MIP: variants seen among roughly 807,000 people sequenced by gnomAD.
MIP encodes the protein major intrinsic protein of lens fiber.
Under a neutral mutation model 21.8 loss-of-function variants are expected in MIP, and 14 were observed. The ratio of observed to expected loss-of-function variants is 0.64; its 90% CI spans 0.42 to 1.00. The LOEUF (loss-of-function observed/expected upper bound fraction) is 1.00, where lower values mean the gene tolerates loss of function less well. Among genes scored for constraint, MIP ranks in the 50% least tolerant of loss-of-function variants. The probability of loss-of-function intolerance (pLI) is 0.00; values close to 1 mark genes in which losing one functional copy is unlikely to be tolerated. For missense variants in MIP, 260 were observed against 333.5 expected, an observed-to-expected ratio of 0.78 and a Z score of 1.72; for synonymous variants, 133 against 141.4, an observed-to-expected ratio of 0.94 and a Z score of 0.42.
chr12:56,453,657 C>A lies in MIP; in HGVS notation c.459G>T (p.Arg153=). The A allele has an allele frequency of 6.2e-7, 1 of 1,614,254 alleles. No individual in the cohort carries two copies. Among genetic ancestry groups the A allele is most frequent in the East Asian group, 2.2e-5 (1 of 44,888 alleles). The change falls in exon 2 of 4, where the codon CGG becomes CGT. Residue 153 remains arginine, a synonymous_variant. Coordinates refer to ENST00000652304, the MANE Select transcript of MIP (RefSeq NM_012064.4). ...LCIFATYDER[R]NGQLGSVALA... ...GGGCCACGGAGCCCAGTTGGCCATTCCGCCTCTCGTCGTATGTGGCAAAGA... is the reference window on the plus strand; with the variant it reads ...GGGCCACGGAGCCCAGTTGGCCATTACGCCTCTCGTCGTATGTGGCAAAGA...
At chr12:56,456,033 G>T (rs561986653), upstream of MIP, among the ~76,000 whole-genome samples, 2 of 152,316 alleles carry the variant, frequency 1.3e-5, no homozygotes, top group South Asian at 4.1e-4. Flanking sequence ...GAACAGGTCA[G>T]AGAGCACCCA....
Position 56,454,441 on chromosome 12 carries a change from G to T in MIP, c.173C>A (p.Ser58Tyr), listed in dbSNP as rs1302955432. The T allele has an allele frequency of 1.2e-6, 2 of 1,614,154 alleles. No individual in the cohort carries two copies. The highest frequency in any genetic ancestry group is 2.2e-5 in the South Asian group (2 of 91,078). Reference protein sequence around the residue: ...FGLALATLVQSVGHISGAHVN... With the variant: ...FGLALATLVQYVGHISGAHVN... ...GTGGGCTCCACTGATGTGGCCCACA[G>T]ACTGCACCAGTGTAGCCAGGGCCAA... Residue 58 changes from serine (S) to tyrosine (Y), a missense_variant, in exon 1 of 4, where the codon TCT (serine) becomes TAT (tyrosine). Physicochemically the swap from Ser to Tyr is moderately radical, Grantham distance 144. Coordinates refer to ENST00000652304, the MANE Select transcript of MIP (RefSeq NM_012064.4).
In MIP at chr12:56,450,816, T is replaced by A. The variant is rs1209081631; in HGVS notation, c.*464A>T. Reference sequence around the variant, plus strand: ...TCTCCTCCACTTCTCTCCATCTGCCTCGTGTGAGGAGTAACTCCCTGCTTC... The same window carrying A: ...TCTCCTCCACTTCTCTCCATCTGCCACGTGTGAGGAGTAACTCCCTGCTTC... On this transcript the variant is annotated 3_prime_UTR_variant, in exon 4 of 4. Transcript: ENST00000652304. 1 of 172,110 alleles carries A rather than the reference T, an allele frequency of 5.8e-6. No homozygotes were observed. The highest frequency in any genetic ancestry group is 1.3e-5 in the Non-Finnish European group (1 of 79,084). 10.7% of individuals were successfully genotyped at this position (172,110 alleles called of 1,614,324 possible).
rs1868593275 is a variant in MIP at position 56,451,141 on chromosome 12, A to AC, written c.*138_*139insG. 1.4e-6 allele frequency: 1 copy of AC among 715,948 alleles called. No individual in the cohort carries two copies. The highest frequency in any genetic ancestry group is 2.9e-5 in the Admixed American group (1 of 34,024). The allele number at this position is 715,948 out of a possible 1,614,324, so 44.3% of individuals were successfully genotyped here. On this transcript the variant is annotated 3_prime_UTR_variant, in exon 4 of 4. Transcript: ENST00000652304. ...TTCACACAGCAAAAGGAAAAAAAAA[A>AC]AAAAAACAACCACATACATAAGTTA...
At position 56,454,287 on chromosome 12, in the gene MIP, T is replaced by C. The variant is rs1338009394; in HGVS notation, c.327A>G (p.Pro109=). The C allele has an allele frequency of 6.2e-7, 1 of 1,613,952 alleles. No individual in the cohort carries two copies. Among genetic ancestry groups the C allele is most frequent in the East Asian group, 2.2e-5 (1 of 44,880 alleles). Residue 109 remains proline, a synonymous_variant, in exon 1 of 4, where the codon CCA becomes CCG. Coordinates refer to ENST00000652304, the MANE Select transcript of MIP (RefSeq NM_012064.4). ...AGAAVLYSVT[P]PAVRGNLALN... ...GTGCTAGGTTTCCTCGGACAGCAGG[T>C]GGGGTAACGCTATACAGCACAGCGG...
chr12:56,454,627 G>T lies in MIP; in HGVS notation c.-14C>A. On this transcript the variant is annotated 5_prime_UTR_variant, in exon 1 of 4. Coordinates refer to ENST00000652304, the MANE Select transcript of MIP (RefSeq NM_012064.4). ...CAGTTCCCACATGGCAGGGGGGATGGTCACAGTGCCTGGGTCCCTGCTACC... is the reference window on the plus strand; with the variant it reads ...CAGTTCCCACATGGCAGGGGGGATGTTCACAGTGCCTGGGTCCCTGCTACC... The T allele has an allele frequency of 6.2e-7, 1 of 1,613,446 alleles. No homozygotes were observed. Among genetic ancestry groups the T allele is most frequent in the Non-Finnish European group, 8.5e-7 (1 of 1,179,910 alleles).
At chr12:56,455,114 T>C (rs893513769), upstream of MIP, among the ~76,000 whole-genome samples, 1 of 151,610 alleles carries the variant, frequency 6.6e-6, no homozygotes, top group Non-Finnish European at 1.5e-5. Flanking sequence ...AGGAGTGGGG[T>C]TCAGCAGGGA....
Position 56,451,352 on chromosome 12 carries a change from G to A in MIP, c.720C>T (p.Ala240=), listed in dbSNP as rs749323684. 1 of 1,613,958 alleles carries A rather than the reference G, an allele frequency of 6.2e-7. No individual in the cohort carries two copies. Among genetic ancestry groups the A allele is most frequent in the African/African-American group, 1.3e-5 (1 of 74,888 alleles). The change falls in exon 4 of 4, where the codon GCC becomes GCT. Residue 240 remains alanine (A), a synonymous_variant. Coordinates refer to ENST00000652304, the MANE Select transcript of MIP (RefSeq NM_012064.4). ...GTTGTCCATTGGAGACATCGGGTTTGGCACCCTTGAGGACAGACAGTCTCT... is the reference window on the plus strand; with the variant it reads ...GTTGTCCATTGGAGACATCGGGTTTAGCACCCTTGAGGACAGACAGTCTCT... The part of the protein sequence containing the change: ...ISERLSVLKG[A]KPDVSNGQPE...
upstream of MIP, among the ~76,000 whole-genome samples, chr12:56,455,105 G>A (rs983746276): frequency 6.6e-6 from 1 of 152,102 alleles, no homozygotes; most frequent in Non-Finnish European, 1.5e-5. Flanking sequence ...GGAGTGGTAA[G>A]GAGTGGGGTT....
upstream of MIP, among the ~76,000 whole-genome samples, chr12:56,454,883 C>T (rs1868747584): frequency 6.6e-6 from 1 of 152,152 alleles, no homozygotes; most frequent in Non-Finnish European, 1.5e-5. Context: ...AGAGAGACTA[C>T]GAGAAGTGGG....
rs1176813850 is a variant in MIP at position 56,454,404 on chromosome 12, T to G, written c.210A>C (p.Ala70=). ...GHISGAHVNP[A]VTFAFLVGSQ... Reference sequence around the variant, plus strand: ...AGCCCACAAGGAAAGCAAAAGTGACTGCAGGATTGACGTGGGCTCCACTGA... The same window carrying G: ...AGCCCACAAGGAAAGCAAAAGTGACGGCAGGATTGACGTGGGCTCCACTGA... Residue 70 remains alanine, a synonymous_variant, in exon 1 of 4, where the codon GCA becomes GCC. Coordinates refer to ENST00000652304, the MANE Select transcript of MIP (RefSeq NM_012064.4). 1.2e-6 allele frequency: 2 copies of G among 1,614,016 alleles called. No homozygotes were observed. Among genetic ancestry groups the G allele is most frequent in the African/African-American group, 1.3e-5 (1 of 74,930 alleles).
intron 1 of MIP, 145 bp downstream of exon 1, chr12:56,454,109 C>G (rs945092930): frequency 2.2e-5 from 27 of 1,203,060 alleles, no homozygotes; most frequent in Non-Finnish European, 2.9e-5. Flanking sequence ...ACCTGTCAAT[C>G]CTCACCACTT....
In MIP at chr12:56,454,617, A is replaced by AG. The variant is rs749216132; in HGVS notation, c.-5dup. The AG allele has an allele frequency of 8.1e-6, 13 of 1,613,744 alleles. No homozygotes were observed. In the South Asian group the frequency reaches 1.4e-4, roughly 18 times the overall value. ...AGGCTGATCGCAGTTCCCACATGGC[A>AG]GGGGGGATGGTCACAGTGCCTGGGT... On this transcript the variant is annotated 5_prime_UTR_variant, in exon 1 of 4. Coordinates refer to ENST00000652304, the MANE Select transcript of MIP (RefSeq NM_012064.4).
chr12:56,453,173 A>G, intron 2 of MIP, 21 bp from the exon 3 acceptor site: 1 of 1,553,294 alleles, frequency 6.4e-7, no homozygotes, highest in Non-Finnish European at 8.9e-7. Context: ...GACAGTTGTA[A>G]CTGAGACACC....
In MIP at chr12:56,454,368, G is replaced by A; in HGVS notation, c.246C>T (p.Ser82=). The A allele has an allele frequency of 1.2e-6, 2 of 1,614,084 alleles. No individual in the cohort carries two copies. Among genetic ancestry groups the A allele is most frequent in the Non-Finnish European group, 1.7e-6 (2 of 1,180,038 alleles). The change falls in exon 1 of 4, where the codon TCC becomes TCT. Residue 82 remains serine, a synonymous_variant. Coordinates refer to ENST00000652304, the MANE Select transcript of MIP (RefSeq NM_012064.4). ...CCATATAGCAGAAGGCACGGAGCAG[G>A]GACATCTGGGAGCCCACAAGGAAAG... The part of the protein sequence containing the change: ...TFAFLVGSQM[S]LLRAFCYMAA...
chr12:56,455,448 C>T (rs1263435930), upstream of MIP, among the ~76,000 whole-genome samples: 1 of 152,120 alleles, frequency 6.6e-6, no homozygotes, highest in Admixed American at 6.5e-5. Flanking sequence ...TTTCATCTTT[C>T]CTAACTCACA....
At chr12:56,454,133 C>T in intron 1 of MIP, 121 bp downstream of exon 1, 1 of 1,367,042 alleles carries the variant, frequency 7.3e-7, no homozygotes, top group Non-Finnish European at 1.0e-6. Context: ...CACACACATG[C>T]TCACACATGC....
rs1868552015 is a variant in MIP, at chr12:56,450,345, G to A, written c.*935C>T. 4 of 152,168 alleles carry A rather than the reference G, an allele frequency of 2.6e-5. No individual in the cohort carries two copies. Among genetic ancestry groups the A allele is most frequent in the South Asian group, 4.1e-4 (2 of 4,828 alleles). The allele number at this position is 152,168 out of a possible 1,614,324, so 9.4% of individuals were successfully genotyped here. On this transcript the variant is annotated 3_prime_UTR_variant, in exon 4 of 4. Transcript: ENST00000652304. ...CCACCCGTTCATTTATTTGCTCCAG[G>A]AATCAGATTTCCTGTGTTGGCCTTA...
chr12:56,456,043 A>G (rs530097363), upstream of MIP, among the ~76,000 whole-genome samples: 2 of 152,332 alleles, frequency 1.3e-5, no homozygotes, highest in African/African-American at 4.8e-5. Flanking sequence ...GAGAGCACCC[A>G]AAGGGTTTGG....
Sources: allele counts gnomAD v4.1 joint callset (sites outside exome capture counted in the v4.1 genomes callset), GRCh38; gene constraint gnomAD v4.1.1; transcripts MANE v1.5; gene names NCBI Gene and HGNC (gene_info 2026-07-23, HGNC 2026-07-21).